CPA6: variants seen among roughly 807,000 people sequenced by gnomAD.
The protein encoded by CPA6 is carboxypeptidase A6, also known as carboxypeptidase B.
A neutral mutation model predicts 63.3 loss-of-function variants in CPA6; 58 were observed. That is an observed-to-expected ratio of 0.92 (90% CI 0.74 to 1.14). The LOEUF (loss-of-function observed/expected upper bound fraction) is 1.14, where lower values mean the gene tolerates loss of function less well. CPA6 is among the 50% of genes most tolerant of loss of function. CPA6 has a pLI of 0.00. For synonymous variants in CPA6, 185 were observed against 179.0 expected (o/e 1.03, Z -0.27); for missense variants, 565 against 526.6 (o/e 1.07, Z -0.71).
At chr8:67,642,793 T>TCACA (rs61054637) in intron 1 of CPA6, among the ~76,000 whole-genome samples, 3,103 of 145,166 alleles carry the variant, frequency 0.021, 72 homozygotes, top group African/African-American at 0.053. Context: ...GGCCTTTATC[T>TCACA]CACACACACA....
At chr8:67,682,300 C>G (rs1816615803) in intron 1 of CPA6, among the ~76,000 whole-genome samples, 1 of 152,052 alleles carries the variant, frequency 6.6e-6, no homozygotes, top group Non-Finnish European at 1.5e-5. Context: ...GTCTTTTATT[C>G]TGTCTTGTCT....
intron 1 of CPA6, among the ~76,000 whole-genome samples, chr8:67,672,121 C>T (rs189028173): frequency 2.7e-3 from 405 of 152,292 alleles, no homozygotes; most frequent in African/African-American, 9.3e-3. Context: ...TGAGCCACCG[C>T]ACCCGGCCTT....
intron 6 of CPA6, among the ~76,000 whole-genome samples, chr8:67,499,621 C>A (rs1016509638): frequency 8.5e-5 from 13 of 152,134 alleles, no homozygotes; most frequent in African/African-American, 2.9e-4. Context: ...CTCATGTTGC[C>A]CTTTTACAGC....
At chr8:67,491,132 G>A (rs535640160) in intron 6 of CPA6, among the ~76,000 whole-genome samples, 1 of 151,860 alleles carries the variant, frequency 6.6e-6, no homozygotes, top group South Asian at 2.1e-4. Context: ...TAAACACTGC[G>A]GCACCAAAAT....
chr8:67,538,241 A>G (rs1367048269), intron 2 of CPA6, among the ~76,000 whole-genome samples: 1 of 152,040 alleles, frequency 6.6e-6, no homozygotes, highest in Non-Finnish European at 1.5e-5. Flanking sequence ...GAATATCCTT[A>G]TTAATTTTCT....
chr8:67,690,319 C>T (rs546509449), intron 1 of CPA6, among the ~76,000 whole-genome samples: 9 of 151,952 alleles, frequency 5.9e-5, no homozygotes, highest in Non-Finnish European at 1.0e-4. Flanking sequence ...TTTAAGATGT[C>T]GATGGCAACA....
chr8:67,505,403 T>G (rs909099063), intron 6 of CPA6, among the ~76,000 whole-genome samples: 1 of 152,172 alleles, frequency 6.6e-6, no homozygotes, highest in Non-Finnish European at 1.5e-5. Flanking sequence ...TTGCGTATGT[T>G]GGGGGTGAGG....
At chr8:67,588,886 T>A (rs1350972474) in intron 2 of CPA6, among the ~76,000 whole-genome samples, 1 of 152,066 alleles carries the variant, frequency 6.6e-6, no homozygotes, top group Non-Finnish European at 1.5e-5. Context: ...ATGCGTGTAA[T>A]CCCAGCACTC....
At chr8:67,446,610 C>A (rs1448226680) in intron 8 of CPA6, among the ~76,000 whole-genome samples, 1 of 152,104 alleles carries the variant, frequency 6.6e-6, no homozygotes, top group African/African-American at 2.4e-5. Flanking sequence ...AGCAACTGGT[C>A]CCTGTGGAAA....
chr8:67,711,533 C>A (rs1438240164), intron 1 of CPA6, among the ~76,000 whole-genome samples: 1 of 152,168 alleles, frequency 6.6e-6, no homozygotes, highest in African/African-American at 2.4e-5. Context: ...TCTTGTCTAT[C>A]TGCATGAGCT....
intron 8 of CPA6, among the ~76,000 whole-genome samples, chr8:67,469,368 A>G (rs764791768): frequency 2.0e-5 from 3 of 152,142 alleles, no homozygotes; most frequent in Non-Finnish European, 4.4e-5. Flanking sequence ...CACTGTGGGA[A>G]GCTGAAGCAG....
chr8:67,633,658 G>A (rs1414020863), intron 1 of CPA6, among the ~76,000 whole-genome samples: 2 of 147,344 alleles, frequency 1.4e-5, no homozygotes, highest in Non-Finnish European at 3.0e-5. Context: ...TCCAGCCTGG[G>A]CGACAGAGCG....
chr8:67,590,518 T>A (rs1011547840), intron 2 of CPA6, among the ~76,000 whole-genome samples: 3 of 150,312 alleles, frequency 2.0e-5, no homozygotes, highest in Non-Finnish European at 3.0e-5. Context: ...AGTGTAAAAG[T>A]GTTCCTATTT....
At chr8:67,566,888 T>C (rs1047212962) in intron 2 of CPA6, among the ~76,000 whole-genome samples, 1 of 152,176 alleles carries the variant, frequency 6.6e-6, no homozygotes, top group African/African-American at 2.4e-5. Flanking sequence ...GGTGGGAAAG[T>C]AGAAGGCTGT....
intron 2 of CPA6, among the ~76,000 whole-genome samples, chr8:67,572,437 C>T (rs761782815): frequency 2.6e-5 from 4 of 152,166 alleles, no homozygotes; most frequent in East Asian, 1.9e-4. Flanking sequence ...AGCCAGAATG[C>T]CCCTCAAGTT....
chr8:67,621,954 A>C (rs565361814), intron 2 of CPA6, among the ~76,000 whole-genome samples: 2 of 152,350 alleles, frequency 1.3e-5, no homozygotes, highest in African/African-American at 4.8e-5. Context: ...CAGCAGCCCT[A>C]TTTACAGTCT....
At chr8:67,497,620 T>C (rs1587493762) in intron 6 of CPA6, among the ~76,000 whole-genome samples, 1 of 152,200 alleles carries the variant, frequency 6.6e-6, no homozygotes, top group African/African-American at 2.4e-5. Flanking sequence ...TGGGGTCACA[T>C]AGTAACTCTA....
At chr8:67,711,677 A>G (rs1324392458) in intron 1 of CPA6, among the ~76,000 whole-genome samples, 1 of 139,888 alleles carries the variant, frequency 7.1e-6, no homozygotes. Context: ...TGGTATATGT[A>G]TGCCTGTGTA....
intron 1 of CPA6, among the ~76,000 whole-genome samples, chr8:67,724,604 A>G (rs1271976074): frequency 1.3e-5 from 2 of 152,202 alleles, no homozygotes; most frequent in Non-Finnish European, 2.9e-5. Context: ...GAAAGCAACT[A>G]CTTGCATACC....
Sources: gnomAD v4.1 joint callset for allele counts (sites outside exome capture counted in the v4.1 genomes callset) on GRCh38, gnomAD v4.1.1 for gene constraint, MANE v1.5 for transcripts, NCBI Gene and HGNC (gene_info 2026-07-23, HGNC 2026-07-21) for gene names.